Variants in ERBB4 observed in about 807,000 individuals in gnomAD.
ERBB4 encodes receptor tyrosine-protein kinase erbB-4.
Under a neutral mutation model 158.0 loss-of-function variants are expected in ERBB4, and 42 were observed. That is an observed-to-expected ratio of 0.27 (90% CI 0.21 to 0.34). The LOEUF (loss-of-function observed/expected upper bound fraction) is 0.34, where lower values mean the gene tolerates loss of function less well. ERBB4 is among the 10% of genes least tolerant of loss of function. The pLI is 1.00. For missense variants in ERBB4, 1,333 were observed against 1,624.1 expected, an observed-to-expected ratio of 0.82 and a Z score of 3.08; for synonymous variants, 583 against 558.7, an observed-to-expected ratio of 1.04 and a Z score of -0.61.
chr2:212,109,323 G>A (rs1476103275), intron 2 of ERBB4, among the ~76,000 whole-genome samples: 4 of 152,056 alleles, frequency 2.6e-5, no homozygotes, highest in Non-Finnish European at 4.4e-5. Context: ...TTTATTTTAA[G>A]CCAAAATCTG....
chr2:211,628,910 C>G (rs941029629), intron 17 of ERBB4, among the ~76,000 whole-genome samples: 18 of 152,190 alleles, frequency 1.2e-4, no homozygotes, highest in Non-Finnish European at 2.5e-4. Context: ...TTGCATTTCT[C>G]TGATGGCCAG....
At chr2:212,253,388 A>G (rs887495151) in intron 1 of ERBB4, among the ~76,000 whole-genome samples, 1 of 152,076 alleles carries the variant, frequency 6.6e-6, no homozygotes, top group Non-Finnish European at 1.5e-5. Context: ...ATTTTGGTGC[A>G]TTTTTCTTGA....
At chr2:211,728,162 A>C (rs1236552383) in intron 5 of ERBB4, among the ~76,000 whole-genome samples, 1 of 151,546 alleles carries the variant, frequency 6.6e-6, no homozygotes, top group Non-Finnish European at 1.5e-5. Flanking sequence ...ATGAACCTTC[A>C]TCTTCTTTTT....
intron 1 of ERBB4, among the ~76,000 whole-genome samples, chr2:212,162,417 G>A (rs2081229649): frequency 6.6e-6 from 1 of 151,788 alleles, no homozygotes; most frequent in South Asian, 2.1e-4. Context: ...GAGAAGTGAG[G>A]GAGACACACT....
chr2:211,758,107 T>G (rs1378588470), intron 4 of ERBB4, among the ~76,000 whole-genome samples: 4 of 152,240 alleles, frequency 2.6e-5, no homozygotes, highest in Admixed American at 2.6e-4. Context: ...CAAGCTCATG[T>G]GATTGTAAGA....
At chr2:211,837,868 A>T (rs1452650028) in intron 3 of ERBB4, among the ~76,000 whole-genome samples, 1 of 152,116 alleles carries the variant, frequency 6.6e-6, no homozygotes, top group Non-Finnish European at 1.5e-5. Context: ...CAATGCAGTT[A>T]TAGAGGTGAA....
intron 3 of ERBB4, among the ~76,000 whole-genome samples, chr2:211,854,680 G>T (rs761656290): frequency 6.6e-6 from 1 of 151,966 alleles, no homozygotes; most frequent in Non-Finnish European, 1.5e-5. Flanking sequence ...CCACTTTCAC[G>T]ACTGTATAGT....
intron 20 of ERBB4, among the ~76,000 whole-genome samples, chr2:211,521,139 TAGTGAGGAAGGC>T (rs1361348567): frequency 1.3e-5 from 2 of 152,084 alleles, no homozygotes; most frequent in African/African-American, 4.8e-5. Flanking sequence ...TGATTAAGCA[TAGTGAGGAAGGC>T]ATGTTGAAAC....
At chr2:212,346,911 A>G (rs1307104263) in intron 1 of ERBB4, among the ~76,000 whole-genome samples, 1 of 152,146 alleles carries the variant, frequency 6.6e-6, no homozygotes, top group East Asian at 1.9e-4. Flanking sequence ...ATTAAAATAA[A>G]TATTTTTCTA....
chr2:212,411,835 A>G (rs1312970516), intron 1 of ERBB4, among the ~76,000 whole-genome samples: 2 of 152,110 alleles, frequency 1.3e-5, no homozygotes, highest in Non-Finnish European at 2.9e-5. Flanking sequence ...ATACTATACT[A>G]TACTATGCTA....
intron 19 of ERBB4, among the ~76,000 whole-genome samples, chr2:211,590,124 A>G (rs922208373): frequency 6.6e-6 from 1 of 152,188 alleles, no homozygotes; most frequent in East Asian, 1.9e-4. Flanking sequence ...TACACTAAAA[A>G]TATCCATAGG....
chr2:211,713,612 G>T lies in ERBB4; in HGVS notation c.920C>A (p.Ala307Asp). Residue 307 changes from alanine to aspartate, a missense_variant, in exon 8 of 28, where the codon GCC becomes GAC. This residue lies in a region of ERBB4 where 438 missense variants were observed against 586.9 expected (regional missense o/e 0.75). Coordinates refer to ENST00000342788, the MANE Select transcript of ERBB4 (RefSeq NM_005235.3). ...TACTTCCATCTTGGAACTAGGGCAG[G>T]CACGCACACAAGAACTGGAATCTAC... ...FVVDSSSCVR[A>D]CPSSKMEVEE... 6.2e-7 allele frequency: 1 copy of T among 1,610,168 alleles called. No individual in the cohort carries two copies. Among genetic ancestry groups the T allele is most frequent in the Non-Finnish European group, 8.5e-7 (1 of 1,177,952 alleles).
intron 4 of ERBB4, among the ~76,000 whole-genome samples, chr2:211,787,775 A>C (rs2076198325): frequency 6.6e-6 from 1 of 152,142 alleles, no homozygotes; most frequent in Non-Finnish European, 1.5e-5. Flanking sequence ...AAGTATGATA[A>C]AGTAATTTAA....
At chr2:211,417,455 C>T (rs1457878205) in intron 25 of ERBB4, among the ~76,000 whole-genome samples, 2 of 152,108 alleles carry the variant, frequency 1.3e-5, no homozygotes, top group African/African-American at 4.8e-5. Context: ...GCCTGGGTGA[C>T]AGAGTGAGAT....
At chr2:211,897,350 C>A (rs534595887) in intron 3 of ERBB4, among the ~76,000 whole-genome samples, 2 of 151,566 alleles carry the variant, frequency 1.3e-5, no homozygotes, top group Admixed American at 1.3e-4. Flanking sequence ...GGTGGAAATA[C>A]CAATAAATTA....
chr2:212,387,752 T>G (rs2090727169), intron 1 of ERBB4, among the ~76,000 whole-genome samples: 1 of 152,080 alleles, frequency 6.6e-6, no homozygotes, highest in African/African-American at 2.4e-5. Flanking sequence ...ACATTTTGAA[T>G]TCAGTTTATT....
chr2:212,058,557 C>A (rs1218849928), intron 2 of ERBB4, among the ~76,000 whole-genome samples: 1 of 152,162 alleles, frequency 6.6e-6, no homozygotes, highest in Non-Finnish European at 1.5e-5. Flanking sequence ...TACTGGCAAA[C>A]TGAATCCAGC....
At chr2:212,212,877 G>A (rs548749079) in intron 1 of ERBB4, among the ~76,000 whole-genome samples, 4 of 152,138 alleles carry the variant, frequency 2.6e-5, no homozygotes, top group East Asian at 3.9e-4. Context: ...ACAGAAAACC[G>A]AAACTGGACC....
intron 20 of ERBB4, among the ~76,000 whole-genome samples, chr2:211,540,869 T>C (rs1438132248): frequency 6.6e-6 from 1 of 151,986 alleles, no homozygotes; most frequent in Non-Finnish European, 1.5e-5. Flanking sequence ...CAAAAATAAT[T>C]TTACCATAGG....
Sources: allele counts gnomAD v4.1 joint callset (sites outside exome capture counted in the v4.1 genomes callset), GRCh38; gene constraint gnomAD v4.1.1; regional missense constraint gnomAD v4.1.1; transcripts MANE v1.5; gene names NCBI Gene and HGNC (gene_info 2026-07-23, HGNC 2026-07-21).